Variants in CLMP observed in about 807,000 individuals in gnomAD.
CLMP encodes CXADR like cell adhesion molecule.
Under a neutral mutation model 45.2 loss-of-function variants are expected in CLMP, and 27 were observed. The observed-to-expected ratio is 0.60, with a 90% CI of 0.44 to 0.82. The LOEUF (loss-of-function observed/expected upper bound fraction) is 0.82, where lower values mean the gene tolerates loss of function less well. Among genes scored for constraint, CLMP ranks in the 40% least tolerant of loss-of-function variants. The pLI is 0.00. For missense variants in CLMP, 403 were observed against 448.4 expected (o/e 0.90, Z 0.91); for synonymous variants, 167 against 171.4 (o/e 0.97, Z 0.20).
At chr11:123,160,492 G>A (rs566017427) in intron 1 of CLMP, among the ~76,000 whole-genome samples, 28 of 152,248 alleles carry the variant, frequency 1.8e-4, no homozygotes, top group Admixed American at 5.2e-4. Flanking sequence ...GGAAATCAGA[G>A]TGCAGCAGAT....
At chr11:123,079,935 C>T (rs1485407746) in intron 5 of CLMP, among the ~76,000 whole-genome samples, 3 of 152,192 alleles carry the variant, frequency 2.0e-5, no homozygotes, top group African/African-American at 7.2e-5. Context: ...ATGTCAAATC[C>T]AGCAATCTGT....
intron 1 of CLMP, among the ~76,000 whole-genome samples, chr11:123,154,382 C>G (rs1232837472): frequency 6.6e-6 from 1 of 152,202 alleles, no homozygotes. Flanking sequence ...GACAGCCCAG[C>G]ATGGAGGCCA....
chr11:123,079,170 A>G (rs982813544), intron 5 of CLMP, among the ~76,000 whole-genome samples: 1 of 152,162 alleles, frequency 6.6e-6, no homozygotes, highest in African/African-American at 2.4e-5. Flanking sequence ...TCTTTGTATA[A>G]GTTTTACTTT....
In CLMP at chr11:123,083,767, A is replaced by C. The variant is rs754063952; in HGVS notation, c.469T>G (p.Ser157Ala). 3.1e-6 allele frequency: 5 copies of C among 1,614,068 alleles called. No homozygotes were observed. Among genetic ancestry groups the C allele is most frequent in the East Asian group, 4.5e-5 (2 of 44,886 alleles). The change falls in exon 4 of 7, where the codon TCT becomes GCT. Residue 157 changes from serine to alanine, a missense_variant. Physicochemically the swap from Ser to Ala is moderately conservative, Grantham distance 99. Transcript: ENST00000448775. ...SDLTLQCESS[S>A]GTEPIVYYWQ... ...TAATACACAATGGGCTCTGTGCCAGAGGATGACTCACACTGCAAAGTCAGG... is the reference window on the plus strand; with the variant it reads ...TAATACACAATGGGCTCTGTGCCAGCGGATGACTCACACTGCAAAGTCAGG...
chr11:123,164,305 T>C (rs914791047), intron 1 of CLMP, among the ~76,000 whole-genome samples: 3 of 152,180 alleles, frequency 2.0e-5, no homozygotes, highest in African/African-American at 7.2e-5. Context: ...GTTATTTTTA[T>C]TTTTATTTTA....
chr11:123,163,018 T>C (rs986492655), intron 1 of CLMP, among the ~76,000 whole-genome samples: 1 of 151,830 alleles, frequency 6.6e-6, no homozygotes, highest in Non-Finnish European at 1.5e-5. Flanking sequence ...GCTAGGAAAG[T>C]GGGTACCTGT....
At chr11:123,094,388 T>G (rs1865967229) in intron 2 of CLMP, among the ~76,000 whole-genome samples, 1 of 152,158 alleles carries the variant, frequency 6.6e-6, no homozygotes, top group Non-Finnish European at 1.5e-5. Context: ...ATTACAGGCA[T>G]GAGCCACTGT....
intron 1 of CLMP, among the ~76,000 whole-genome samples, chr11:123,167,131 C>T (rs898612847): frequency 6.6e-6 from 1 of 152,112 alleles, no homozygotes; most frequent in Non-Finnish European, 1.5e-5. Context: ...ATAGCGATTA[C>T]TATCAATAAT....
Position 123,073,613 on chromosome 11 carries a change from A to C in CLMP, c.983T>G (p.Leu328Arg), listed in dbSNP as rs765604853. Residue 328 changes from leucine to arginine, a missense_variant, in exon 7 of 7, where the codon CTG becomes CGG. Transcript: ENST00000448775. ...CACTAGGCTGTATGCCTGGGTGGCCAGCCCTGGCTGGGGTGCTGCGTCAGT... is the reference window on the plus strand; with the variant it reads ...CACTAGGCTGTATGCCTGGGTGGCCCGCCCTGGCTGGGGTGCTGCGTCAGT... ...LSTDAAPQPG[L>R]ATQAYSLVGP... 1 of 1,614,216 alleles carries C rather than the reference A, an allele frequency of 6.2e-7. No individual in the cohort carries two copies. The highest frequency in any genetic ancestry group is 1.1e-5 in the South Asian group (1 of 91,090).
intron 1 of CLMP, among the ~76,000 whole-genome samples, chr11:123,180,165 C>T (rs1156273595): frequency 1.3e-5 from 2 of 152,252 alleles, no homozygotes; most frequent in African/African-American, 4.8e-5. Flanking sequence ...CTGTGTCAGG[C>T]ACTGTCCTAA....
At chr11:123,076,338 C>T (rs1865740229) in intron 5 of CLMP, among the ~76,000 whole-genome samples, 1 of 152,096 alleles carries the variant, frequency 6.6e-6, no homozygotes, top group South Asian at 2.1e-4. Context: ...CAGTGCCTAC[C>T]CTGAGCCAGG....
chr11:123,144,821 C>T (rs1381251965), intron 1 of CLMP, among the ~76,000 whole-genome samples: 1 of 152,090 alleles, frequency 6.6e-6, no homozygotes, highest in Non-Finnish European at 1.5e-5. Context: ...GCATATGGAC[C>T]TCAGGTACAA....
At chr11:123,169,151 G>A (rs952295189) in intron 1 of CLMP, among the ~76,000 whole-genome samples, 3 of 152,188 alleles carry the variant, frequency 2.0e-5, no homozygotes, top group African/African-American at 4.8e-5. Flanking sequence ...GGCTCCAAAT[G>A]TCCAGGAGGA....
intron 2 of CLMP, among the ~76,000 whole-genome samples, chr11:123,086,204 G>A (rs1029284814): frequency 1.3e-5 from 2 of 152,160 alleles, no homozygotes; most frequent in African/African-American, 2.4e-5. Context: ...GAGCCACTGC[G>A]CCTGGCAAAT....
chr11:123,081,109 C>T (rs965920576), intron 5 of CLMP, among the ~76,000 whole-genome samples: 6 of 151,920 alleles, frequency 3.9e-5, no homozygotes, highest in East Asian at 3.9e-4. Context: ...GCCAAGACCA[C>T]GCCATTGCAC....
intron 1 of CLMP, among the ~76,000 whole-genome samples, chr11:123,123,506 C>T (rs759693735): frequency 1.1e-4 from 17 of 152,042 alleles, no homozygotes; most frequent in Non-Finnish European, 2.1e-4. Flanking sequence ...GATCTGCCCA[C>T]CTCAGCCTCC....
At chr11:123,187,953 A>C (rs1475612523) in intron 1 of CLMP, among the ~76,000 whole-genome samples, 1 of 152,238 alleles carries the variant, frequency 6.6e-6, no homozygotes, top group Non-Finnish European at 1.5e-5. Context: ...CAGGAATATC[A>C]GACACAGTCC....
At chr11:123,142,987 C>T (rs1299397377) in intron 1 of CLMP, among the ~76,000 whole-genome samples, 1 of 152,168 alleles carries the variant, frequency 6.6e-6, no homozygotes, top group Non-Finnish European at 1.5e-5. Context: ...TTCTTCTTGC[C>T]AGGCCAAAGT....
chr11:123,150,414 G>GGAAAGAAAGAAAGAAA (rs1565397262), intron 1 of CLMP, among the ~76,000 whole-genome samples: 3 of 55,174 alleles, frequency 5.4e-5, no homozygotes, highest in African/African-American at 2.1e-4. Flanking sequence ...AAGGAAGGAA[G>GGAAAGAAAGAAAGAAA]GTAAGAAAGA....
Sources: gnomAD v4.1 joint callset for allele counts (sites outside exome capture counted in the v4.1 genomes callset) on GRCh38, gnomAD v4.1.1 for gene constraint, MANE v1.5 for transcripts, NCBI Gene and HGNC (gene_info 2026-07-23, HGNC 2026-07-21) for gene names.